Variants in ZKSCAN1 observed in about 807,000 individuals in gnomAD.
ZKSCAN1 encodes zinc finger protein with KRAB and SCAN domains 1.
Under a neutral mutation model 51.6 loss-of-function variants are expected in ZKSCAN1, and 14 were observed. That is an observed-to-expected ratio of 0.27 (90% CI 0.18 to 0.42). ZKSCAN1 has a LOEUF of 0.42. Ranked by LOEUF, ZKSCAN1 falls within the 10% of genes least tolerant of loss-of-function variation. The probability of loss-of-function intolerance (pLI) is 1.00; values close to 1 mark genes in which losing one functional copy is unlikely to be tolerated. For synonymous variants in ZKSCAN1, 263 were observed against 261.5 expected (o/e 1.01, Z -0.06); for missense variants, 531 against 710.0 (o/e 0.75, Z 2.86).
rs1791488629 is a variant in ZKSCAN1, at chr7:100,039,120, TG to T, written c.*4925del. 1 of 164,826 alleles carries T rather than the reference TG, an allele frequency of 6.1e-6. No individual in the cohort carries two copies. Among genetic ancestry groups the T allele is most frequent in the African/African-American group, 2.5e-5 (1 of 40,564 alleles). 10.2% of individuals were successfully genotyped at this position (164,826 alleles called of 1,614,324 possible). On this transcript the variant is annotated 3_prime_UTR_variant, in exon 6 of 6. Coordinates refer to ENST00000324306, the MANE Select transcript of ZKSCAN1 (RefSeq NM_003439.4). ...TGAGGTCAGGAGTTTGAGACCAGCC[TG>T]GCCAACGTGGTGAAAGCCTGTCTCT...
Position 100,024,144 on chromosome 7 carries a change from C to G in ZKSCAN1, c.427-10C>G. The G allele has an allele frequency of 6.2e-7, 1 of 1,603,696 alleles. No individual in the cohort carries two copies. Among genetic ancestry groups the G allele is most frequent in the South Asian group, 1.1e-5 (1 of 89,654 alleles). On this transcript the variant is annotated splice_polypyrimidine_tract_variant and intron_variant, in intron 2 of 5. Coordinates refer to ENST00000324306, the MANE Select transcript of ZKSCAN1 (RefSeq NM_003439.4). ...TGATTTACCCACAAGCCCAACCTGT[C>G]TGTCTTCAGGTCCCAGGTCAAGTTC...
At position 100,023,533 on chromosome 7, in the gene ZKSCAN1, C is replaced by A; in HGVS notation, c.27C>A (p.Ala9=). 1.2e-6 allele frequency: 2 copies of A among 1,612,266 alleles called. No individual in the cohort carries two copies. Among genetic ancestry groups the A allele is most frequent in the Non-Finnish European group, 1.7e-6 (2 of 1,179,588 alleles). The change falls in exon 2 of 6, where the codon GCC becomes GCA. Residue 9 remains alanine, a synonymous_variant. Coordinates refer to ENST00000324306, the MANE Select transcript of ZKSCAN1 (RefSeq NM_003439.4). The part of the protein sequence containing the change: MMTAESRE[A]TGLSPQAAQE... ...TGATGACTGCTGAATCACGGGAAGCCACGGGTCTGTCCCCACAGGCTGCAC... is the reference window on the plus strand; with the variant it reads ...TGATGACTGCTGAATCACGGGAAGCAACGGGTCTGTCCCCACAGGCTGCAC...
At position 100,038,604 on chromosome 7, in the gene ZKSCAN1, G is replaced by A. The variant is rs1181350110; in HGVS notation, c.*4407G>A. On this transcript the variant is annotated 3_prime_UTR_variant, in exon 6 of 6. Coordinates refer to ENST00000324306, the MANE Select transcript of ZKSCAN1 (RefSeq NM_003439.4). ...CTTCTCCATGAAGCGAGAGTAGGAA[G>A]TGTACTGGAATGGCCAAGTGGGACT... 1 of 985,352 alleles carries A rather than the reference G, an allele frequency of 1.0e-6. No individual in the cohort carries two copies. Among genetic ancestry groups the A allele is most frequent in the Admixed American group, 6.1e-5 (1 of 16,264 alleles). 61.0% of individuals were successfully genotyped at this position (985,352 alleles called of 1,614,324 possible).
At chr7:100,019,035 C>G (rs912359549) in intron 1 of ZKSCAN1, among the ~76,000 whole-genome samples, 3 of 152,148 alleles carry the variant, frequency 2.0e-5, no homozygotes, top group Non-Finnish European at 2.9e-5. Flanking sequence ...TGGCTGGGCT[C>G]GCTATCACAC....
intron 3 of ZKSCAN1, among the ~76,000 whole-genome samples, chr7:100,029,246 A>G (rs1790991473): frequency 2.0e-5 from 3 of 150,656 alleles, no homozygotes. Context: ...TATTGCTACT[A>G]AAGTGTTTTT....
Position 100,034,012 on chromosome 7 carries a change from T to C in ZKSCAN1, c.1507T>C (p.Tyr503His), listed in dbSNP as rs1791231745. The C allele has an allele frequency of 6.2e-7, 1 of 1,614,056 alleles. No individual in the cohort carries two copies. Among genetic ancestry groups the C allele is most frequent in the Non-Finnish European group, 8.5e-7 (1 of 1,179,996 alleles). Residue 503 changes from tyrosine (Y) to histidine (H), a missense_variant, in exon 6 of 6, where the codon TAC becomes CAC. Coordinates refer to ENST00000324306, the MANE Select transcript of ZKSCAN1 (RefSeq NM_003439.4). ...ECGKAFNRNS[Y>H]LILHRRIHTR... is the part of the protein sequence containing the mutation. ...TGGAAAAGCTTTCAACCGAAACTCA[T>C]ACCTGATTTTGCATCGGAGAATTCA...
chr7:100,029,372 G>A (rs1791001354), intron 3 of ZKSCAN1, among the ~76,000 whole-genome samples: 2 of 151,916 alleles, frequency 1.3e-5, no homozygotes, highest in Admixed American at 6.6e-5. Context: ...CAATCCTCCC[G>A]CCTCACCTGC....
chr7:100,043,979 G>A (rs1243548857), downstream of ZKSCAN1, among the ~76,000 whole-genome samples: 1 of 151,780 alleles, frequency 6.6e-6, no homozygotes, highest in Non-Finnish European at 1.5e-5. Context: ...GTTTCGCCAT[G>A]TTGGCCAGGC....
chr7:100,038,008 C>T lies in ZKSCAN1; in HGVS notation c.*3811C>T, dbSNP rs543560735. On this transcript the variant is annotated 3_prime_UTR_variant, in exon 6 of 6. Coordinates refer to ENST00000324306, the MANE Select transcript of ZKSCAN1 (RefSeq NM_003439.4). ...GGCACTCCAGCCTTGAGTGACAGAG[C>T]GAGGCTCTGTATCAAAAAAAAAAGT... The T allele has an allele frequency of 3.1e-5, 30 of 983,298 alleles. No individual in the cohort carries two copies. In the African/African-American group the frequency reaches 3.5e-4, roughly 12 times the overall value. 60.9% of individuals were successfully genotyped at this position (983,298 alleles called of 1,614,324 possible).
chr7:100,032,846 A>C (rs1791169627), intron 5 of ZKSCAN1, among the ~76,000 whole-genome samples: 1 of 152,170 alleles, frequency 6.6e-6, no homozygotes, highest in Non-Finnish European at 1.5e-5. Flanking sequence ...GTCTACACTA[A>C]AAATACAAAA....
chr7:100,040,673 C>T lies in ZKSCAN1; in HGVS notation c.*6476C>T, dbSNP rs1365327377. ...AGGAGAAGGGGGAAGAGGACGGTAA[C>T]GGCCCCACACTCCAGGCTGAGAAAG... On this transcript the variant is annotated 3_prime_UTR_variant, in exon 6 of 6. Coordinates refer to ENST00000324306, the MANE Select transcript of ZKSCAN1 (RefSeq NM_003439.4). The T allele has an allele frequency of 4.1e-6, 4 of 985,310 alleles. No homozygotes were observed. The highest frequency in any genetic ancestry group is 1.7e-5 in the African/African-American group (1 of 57,238). 61.0% of individuals were successfully genotyped at this position (985,310 alleles called of 1,614,324 possible).
intron 5 of ZKSCAN1, 118 bp downstream of exon 5, chr7:100,030,493 T>G: frequency 1.6e-6 from 2 of 1,225,792 alleles, no homozygotes; most frequent in Non-Finnish European, 2.2e-6. Context: ...CTATCCCCTT[T>G]TGTAGACCAG....
At chr7:100,044,917 C>T, downstream of ZKSCAN1, 1 of 985,312 alleles carries the variant, frequency 1.0e-6, no homozygotes. Flanking sequence ...TGGTTACCCT[C>T]TGCTGGCCAG....
chr7:100,045,087 A>C, downstream of ZKSCAN1: 1 of 607,602 alleles, frequency 1.6e-6, no homozygotes, highest in Non-Finnish European at 2.1e-6. Flanking sequence ...TTCCGCTGCA[A>C]AGGGCACTGG....
In ZKSCAN1 at chr7:100,036,934, C is replaced by A. The variant is rs115162834; in HGVS notation, c.*2737C>A. On this transcript the variant is annotated 3_prime_UTR_variant, in exon 6 of 6. Transcript: ENST00000324306. Reference sequence around the variant, plus strand: ...AGGTTAAATGTGACCTGTGCCCTCACATTTAATTCCGTTTCATGGAGACAT... The same window carrying A: ...AGGTTAAATGTGACCTGTGCCCTCAAATTTAATTCCGTTTCATGGAGACAT... 1,112 of 985,184 alleles carry A rather than the reference C, an allele frequency of 1.1e-3. 13 individuals are homozygous for A. The African/African-American group carries it at 0.019, about 17-fold the overall frequency. The allele number at this position is 985,184 out of a possible 1,614,324, so 61.0% of individuals were successfully genotyped here.
Position 100,034,814 on chromosome 7 carries a change from A to G in ZKSCAN1, c.*617A>G, listed in dbSNP as rs1791278074. 1 of 154,060 alleles carries G rather than the reference A, an allele frequency of 6.5e-6. No homozygotes were observed. Among genetic ancestry groups the G allele is most frequent in the Non-Finnish European group, 1.4e-5 (1 of 69,320 alleles). The allele number at this position is 154,060 out of a possible 1,614,324, so 9.5% of individuals were successfully genotyped here. ...TCTTCCCGAAAGAGAGGGTATGTGC[A>G]CCAGTCTACAGTTCCAAAGGACTGC... On this transcript the variant is annotated 3_prime_UTR_variant, in exon 6 of 6. Coordinates refer to ENST00000324306, the MANE Select transcript of ZKSCAN1 (RefSeq NM_003439.4).
In ZKSCAN1 at chr7:100,023,628, A is replaced by T; in HGVS notation, c.122A>T (p.Asp41Val). 6.2e-7 allele frequency: 1 copy of T among 1,613,944 alleles called. No homozygotes were observed. The change falls in exon 2 of 6, where the codon GAT (aspartate) becomes GTT (valine). Residue 41 changes from aspartate to valine, a missense_variant. By Grantham distance (152) the Asp-to-Val change is radical (BLOSUM62 -3). Coordinates refer to ENST00000324306, the MANE Select transcript of ZKSCAN1 (RefSeq NM_003439.4). Reference protein sequence around the residue: ...EDEEDHMWGQDSTLQDTPPPD... With the variant: ...EDEEDHMWGQVSTLQDTPPPD... ...GAGGAAGACCACATGTGGGGGCAGGATTCCACCCTACAGGACACGCCTCCT... is the reference window on the plus strand; with the variant it reads ...GAGGAAGACCACATGTGGGGGCAGGTTTCCACCCTACAGGACACGCCTCCT...
intron 3 of ZKSCAN1, chr7:100,024,622 C>G (rs1429358911): frequency 3.8e-6 from 1 of 263,694 alleles, no homozygotes; most frequent in Non-Finnish European, 7.4e-6. Context: ...GAATTAGGCT[C>G]GGCACGGTAG....
chr7:100,025,446 CAT>C (rs778918214), intron 3 of ZKSCAN1, among the ~76,000 whole-genome samples: 1 of 151,990 alleles, frequency 6.6e-6, no homozygotes, highest in African/African-American at 2.4e-5. Flanking sequence ...AGTTCACAGT[CAT>C]ATAAATAAAA....
Sources: gnomAD v4.1 joint callset for allele counts (sites outside exome capture counted in the v4.1 genomes callset) on GRCh38, gnomAD v4.1.1 for gene constraint, MANE v1.5 for transcripts, NCBI Gene and HGNC (gene_info 2026-07-23, HGNC 2026-07-21) for gene names.